The following LAMC2 variants were observed in gnomAD, a reference collection of about 807,000 sequenced individuals.
The protein encoded by LAMC2 is laminin subunit gamma-2.
In LAMC2, 97 loss-of-function variants were observed where a neutral mutation model predicts 140.2. The observed-to-expected ratio is 0.69, with a 90% CI of 0.59 to 0.82. LAMC2 has a LOEUF of 0.82. Among genes scored for constraint, LAMC2 ranks in the 40% least tolerant of loss-of-function variants. LAMC2 has a pLI of 0.00. For synonymous variants in LAMC2, 513 were observed against 540.2 expected, an observed-to-expected ratio of 0.95 and a Z score of 0.70; for missense variants, 1,402 against 1,476.1, an observed-to-expected ratio of 0.95 and a Z score of 0.82.
intron 19 of LAMC2, 51 bp downstream of exon 19, chr1:183,238,472 G>T (rs927225428): frequency 1.7e-6 from 2 of 1,194,974 alleles, no homozygotes; most frequent in South Asian, 1.2e-5. Flanking sequence ...GTATAGTCAT[G>T]ACCAATTTCC....
In LAMC2 at chr1:183,244,431, A is replaced by G. The variant is rs1179352123; in HGVS notation, c.*1031A>G. The G allele has an allele frequency of 8.5e-5, 13 of 152,232 alleles. 1 individual carries two copies. The East Asian group carries it at 2.3e-3, about 27-fold the overall frequency. The allele number at this position is 152,232 out of a possible 1,614,324, so 9.4% of individuals were successfully genotyped here. On this transcript the variant is annotated 3_prime_UTR_variant, in exon 23 of 23. Coordinates refer to ENST00000264144, the MANE Select transcript of LAMC2 (RefSeq NM_005562.3). ...TCCATTACCTCCATCCATCCTTCCA[A>G]CATATATTTATTGAGTACCTACTGT...
At chr1:183,237,799 T>C (rs1306958654) in intron 18 of LAMC2, among the ~76,000 whole-genome samples, 1 of 152,154 alleles carries the variant, frequency 6.6e-6, no homozygotes, top group Admixed American at 6.5e-5. Context: ...GGCGAGAGGA[T>C]CACTTGAGCT....
chr1:183,234,558 C>CA (rs1250995236), intron 15 of LAMC2, 112 bp downstream of exon 15: 1 of 883,740 alleles, frequency 1.1e-6, no homozygotes, highest in East Asian at 2.6e-5. Flanking sequence ...CTCCAGGCTC[C>CA]TTTGCAGCCA....
intron 1 of LAMC2, among the ~76,000 whole-genome samples, chr1:183,197,123 G>T (rs189162628): frequency 3.9e-4 from 60 of 152,282 alleles, no homozygotes; most frequent in African/African-American, 1.4e-3. Flanking sequence ...AAAAGAAGTT[G>T]CAGGGAATTC....
At chr1:183,242,962 G>C (rs535329857) in intron 22 of LAMC2, among the ~76,000 whole-genome samples, 185 bp from the exon 23 acceptor site, 1 of 152,086 alleles carries the variant, frequency 6.6e-6, no homozygotes, top group South Asian at 2.1e-4. Flanking sequence ...CAGTAAATAG[G>C]CTAGCCCTCT....
chr1:183,250,852 G>T, the LAMC2 span: 3 of 152,618 alleles, frequency 2.0e-5, no homozygotes, highest in Admixed American at 2.0e-4. Context: ...ATTGAAGGAT[G>T]TTGCAGATGT....
At position 183,236,538 on chromosome 1, in the gene LAMC2, T is replaced by C; in HGVS notation, c.2535T>C (p.Tyr845=). Residue 845 remains tyrosine (Y), a synonymous_variant, in exon 17 of 23, where the codon TAT becomes TAC. Coordinates refer to ENST00000264144, the MANE Select transcript of LAMC2 (RefSeq NM_005562.3). ...TQAEIEADRS[Y]QHSLRLLDSV... is the part of the protein sequence containing the mutation. ...CGGAAATTGAAGCAGATAGGTCTTATCAGCACAGTCTCCGCCTCCTGGATT... is the reference window on the plus strand; with the variant it reads ...CGGAAATTGAAGCAGATAGGTCTTACCAGCACAGTCTCCGCCTCCTGGATT... 1.9e-6 allele frequency: 3 copies of C among 1,614,134 alleles called. No individual in the cohort carries two copies. Among genetic ancestry groups the C allele is most frequent in the Non-Finnish European group, 1.7e-6 (2 of 1,180,022 alleles).
intron 7 of LAMC2, 137 bp downstream of exon 7, chr1:183,223,461 A>G (rs1558091215): frequency 6.4e-6 from 5 of 785,968 alleles, no homozygotes; most frequent in Admixed American, 4.3e-5. Flanking sequence ...GAAGGTTGCT[A>G]TGTGCTGAGA....
At chr1:183,190,307 T>C (rs947689935) in intron 1 of LAMC2, among the ~76,000 whole-genome samples, 1 of 152,178 alleles carries the variant, frequency 6.6e-6, no homozygotes, top group African/African-American at 2.4e-5. Context: ...GTATATTGCT[T>C]TCTGTGTTTT....
chr1:183,237,716 C>CAAAAAAT (rs893298125), intron 18 of LAMC2, among the ~76,000 whole-genome samples: 2 of 151,882 alleles, frequency 1.3e-5, no homozygotes, highest in African/African-American at 4.8e-5. Flanking sequence ...CCCATCTCTA[C>CAAAAAAT]AAAAAATAAA....
At chr1:183,204,014 G>T (rs564233838) in intron 1 of LAMC2, among the ~76,000 whole-genome samples, 28 of 152,320 alleles carry the variant, frequency 1.8e-4, no homozygotes, top group African/African-American at 6.7e-4. Flanking sequence ...AATGGGGCAG[G>T]CATGGTAGCT....
intron 2 of LAMC2, among the ~76,000 whole-genome samples, chr1:183,211,435 T>C (rs1487704240): frequency 6.6e-6 from 1 of 152,192 alleles, no homozygotes. Flanking sequence ...TAAATGCAAG[T>C]GTATATATTT....
intron 1 of LAMC2, among the ~76,000 whole-genome samples, chr1:183,195,153 A>T (rs2102171674): frequency 6.6e-6 from 1 of 152,256 alleles, no homozygotes. Context: ...GTTCACTGGG[A>T]CTTTCTTCCC....
chr1:183,196,515 AC>A (rs1658521896), intron 1 of LAMC2, among the ~76,000 whole-genome samples: 1 of 152,166 alleles, frequency 6.6e-6, no homozygotes, highest in Non-Finnish European at 1.5e-5. Flanking sequence ...ACTGAGAACA[AC>A]CTTTGCTAGA....
intron 2 of LAMC2, among the ~76,000 whole-genome samples, chr1:183,210,157 G>A (rs542451358): frequency 1.3e-5 from 2 of 152,270 alleles, no homozygotes; most frequent in East Asian, 3.9e-4. Flanking sequence ...CTTGTCCAAG[G>A]TCATAGAGCT....
At chr1:183,252,609 G>A in the LAMC2 span, 3 of 1,397,066 alleles carry the variant, frequency 2.1e-6, no homozygotes, top group Admixed American at 3.3e-5. Context: ...AAAGATGGAG[G>A]GGCCATTGTG....
the LAMC2 span, among the ~76,000 whole-genome samples, chr1:183,256,463 G>A: frequency 6.6e-6 from 1 of 152,114 alleles, no homozygotes; most frequent in East Asian, 1.9e-4. Flanking sequence ...GTTATGTTGA[G>A]AAACTTTCCT....
intron 2 of LAMC2, 125 bp from the exon 3 acceptor site, chr1:183,215,328 A>G: frequency 9.6e-7 from 1 of 1,046,550 alleles, no homozygotes; most frequent in South Asian, 1.3e-5. Context: ...GACTGTTAAA[A>G]GCAGCAGATG....
In LAMC2 at chr1:183,234,401, A is replaced by T. The variant is rs976769758; in HGVS notation, c.2255A>T (p.Asn752Ile). 2.1e-5 allele frequency: 34 copies of T among 1,614,026 alleles called. No individual in the cohort carries two copies. The highest frequency in any genetic ancestry group is 2.6e-5 in the Non-Finnish European group (31 of 1,180,022). Reference sequence around the variant, plus strand: ...GCCTCAGACCACTACGTGGGGCCAAATGGCTTTAAAAGTCTGGCTCAGGAG... The same window carrying T: ...GCCTCAGACCACTACGTGGGGCCAATTGGCTTTAAAAGTCTGGCTCAGGAG... ...IPASDHYVGPNGFKSLAQEAT... is the reference protein window; with the variant it reads ...IPASDHYVGPIGFKSLAQEAT... Residue 752 changes from asparagine to isoleucine, a missense_variant, in exon 15 of 23, where the codon AAT (asparagine) becomes ATT (isoleucine). Around this residue, in one of 3 missense-constraint regions of LAMC2, gnomAD observed 670 missense variants for 667.2 expected, o/e 1.00. Transcript: ENST00000264144.
Sources: gnomAD v4.1 joint callset for allele counts (sites outside exome capture counted in the v4.1 genomes callset) on GRCh38, gnomAD v4.1.1 for gene constraint, gnomAD v4.1.1 regional missense constraint, MANE v1.5 for transcripts, NCBI Gene and HGNC (gene_info 2026-07-23, HGNC 2026-07-21) for gene names.